Variants in RPS6KA2 observed in about 807,000 individuals in gnomAD.
RPS6KA2 encodes ribosomal protein S6 kinase alpha-2.
A neutral mutation model predicts 91.8 loss-of-function variants in RPS6KA2; 42 were observed. The observed-to-expected ratio is 0.46, with a 90% CI of 0.36 to 0.59. RPS6KA2 has a LOEUF of 0.59. Among genes scored for constraint, RPS6KA2 ranks in the 20% least tolerant of loss-of-function variants. The pLI is 0.00. For missense variants in RPS6KA2, 798 were observed against 978.5 expected (o/e 0.82, Z 2.46); for synonymous variants, 414 against 393.6 (o/e 1.05, Z -0.61).
intron 2 of RPS6KA2, among the ~76,000 whole-genome samples, chr6:166,793,872 TA>T (rs1311394504): frequency 6.6e-6 from 1 of 151,618 alleles, no homozygotes; most frequent in East Asian, 1.9e-4. Context: ...ATTAAAGACT[TA>T]AATGCTACAC....
chr6:166,715,282 T>C (rs1409583045), intron 2 of RPS6KA2, among the ~76,000 whole-genome samples: 1 of 152,178 alleles, frequency 6.6e-6, no homozygotes, highest in East Asian at 1.9e-4. Flanking sequence ...ATGGGAGGCA[T>C]GGACGGTAGC....
intron 2 of RPS6KA2, among the ~76,000 whole-genome samples, chr6:166,680,958 C>T (rs1788785841): frequency 6.6e-6 from 1 of 152,206 alleles, no homozygotes; most frequent in Non-Finnish European, 1.5e-5. Context: ...CTGGAAAGGC[C>T]TGTGAGGGAC....
chr6:166,695,750 C>CAGGAGCACTGGATTCTCAT (rs1562387952), intron 2 of RPS6KA2, among the ~76,000 whole-genome samples: 1 of 130,622 alleles, frequency 7.7e-6, no homozygotes, highest in Non-Finnish European at 1.7e-5. Flanking sequence ...TGGATTCTCA[C>CAGGAGCACTGGATTCTCAT]AGGAGCACTG....
At chr6:166,638,565 C>T (rs774495419) in intron 2 of RPS6KA2, among the ~76,000 whole-genome samples, 7 of 152,286 alleles carry the variant, frequency 4.6e-5, no homozygotes, top group African/African-American at 9.6e-5. Flanking sequence ...AAAACGACCG[C>T]GGTAAGCAGG....
intron 16 of RPS6KA2, among the ~76,000 whole-genome samples, chr6:166,428,439 C>A (rs1249775987): frequency 1.5e-4 from 21 of 138,826 alleles, no homozygotes; most frequent in Non-Finnish European, 2.5e-4. Context: ...GCAACAAAAG[C>A]CAAAATTGAC....
intron 1 of RPS6KA2, among the ~76,000 whole-genome samples, chr6:166,550,774 GGTCA>G (rs1373884803): frequency 6.6e-6 from 1 of 151,940 alleles, no homozygotes. Context: ...AGGCCAAGGC[GGTCA>G]GATCACAAGG....
At chr6:166,722,563 G>A (rs1241694725) in intron 2 of RPS6KA2, among the ~76,000 whole-genome samples, 1 of 152,208 alleles carries the variant, frequency 6.6e-6, no homozygotes, top group Non-Finnish European at 1.5e-5. Context: ...TGGCTGCAAT[G>A]GGAGTGGAAT....
At chr6:166,530,108 G>C (rs147140843) in intron 3 of RPS6KA2, among the ~76,000 whole-genome samples, 82 of 152,312 alleles carry the variant, frequency 5.4e-4, no homozygotes, top group African/African-American at 1.8e-3. Context: ...TGAAGGCAGA[G>C]AATGATATAT....
intron 2 of RPS6KA2, among the ~76,000 whole-genome samples, chr6:166,654,317 A>G (rs890340159): frequency 1.8e-4 from 27 of 152,204 alleles, no homozygotes; most frequent in African/African-American, 6.0e-4. Flanking sequence ...CATGCTTCAC[A>G]TCTAGTAATG....
intron 10 of RPS6KA2, among the ~76,000 whole-genome samples, chr6:166,480,502 TATATATATATATA>T (rs1292893419): frequency 7.4e-6 from 1 of 135,338 alleles, no homozygotes; most frequent in Non-Finnish European, 1.6e-5. Flanking sequence ...TATATATATA[TATATATATATATA>T]ATATATTTTT....
intron 2 of RPS6KA2, among the ~76,000 whole-genome samples, chr6:166,537,227 AAC>A (rs1348671342): frequency 6.6e-6 from 1 of 152,288 alleles, no homozygotes. Flanking sequence ...ATGCATGGGC[AAC>A]ACCCTTGAAA....
At chr6:166,845,986 G>C (rs1780596169) in intron 2 of RPS6KA2, among the ~76,000 whole-genome samples, 1 of 151,898 alleles carries the variant, frequency 6.6e-6, no homozygotes, top group African/African-American at 2.4e-5. Flanking sequence ...GAAAAAAAGA[G>C]AAAATCCAAA....
At chr6:166,719,435 G>A (rs563014339) in intron 2 of RPS6KA2, among the ~76,000 whole-genome samples, 1 of 152,280 alleles carries the variant, frequency 6.6e-6, no homozygotes, top group East Asian at 1.9e-4. Flanking sequence ...TGTATGCAAG[G>A]TTTGATATCA....
chr6:166,617,692 C>T (rs1357795657), intron 1 of RPS6KA2, among the ~76,000 whole-genome samples: 1 of 152,212 alleles, frequency 6.6e-6, no homozygotes, highest in Non-Finnish European at 1.5e-5. Flanking sequence ...ATAGTCAGTC[C>T]ATGGCTAATT....
At chr6:166,479,182 C>T (rs893156027) in intron 10 of RPS6KA2, among the ~76,000 whole-genome samples, 10 of 152,238 alleles carry the variant, frequency 6.6e-5, no homozygotes, top group Non-Finnish European at 1.0e-4. Context: ...TGCAGCTGGC[C>T]TTGCTGTTTG....
chr6:166,797,797 A>G (rs1779262901), intron 2 of RPS6KA2, among the ~76,000 whole-genome samples: 2 of 152,276 alleles, frequency 1.3e-5, no homozygotes, highest in Middle Eastern at 3.4e-3. Flanking sequence ...GAAAAAATAT[A>G]TCAATGTGGA....
rs532080540 is a variant in RPS6KA2 at position 166,624,927 on chromosome 6, T to G, written c.99+1994A>C. 1.8e-3 allele frequency among the ~76,000 whole-genome samples: 270 copies of G among 152,102 alleles called. 3 individuals carry two copies. The highest frequency in any genetic ancestry group is 1.6e-3 in the Non-Finnish European group (108 of 67,974). Reference sequence around the variant, plus strand: ...CGGCTCACTGCAACCTCTGACTCCCTGGTTCAAGCGATTCTCCTGCCTCAG... The same window carrying G: ...CGGCTCACTGCAACCTCTGACTCCCGGGTTCAAGCGATTCTCCTGCCTCAG... On this transcript the variant is annotated intron_variant, in intron 1 of 20. Transcript: ENST00000265678.
chr6:166,839,719 C>T (rs1049411661), intron 2 of RPS6KA2, among the ~76,000 whole-genome samples: 2 of 45,722 alleles, frequency 4.4e-5, no homozygotes, highest in East Asian at 6.6e-4. Flanking sequence ...AGAGGAGAGG[C>T]GGCACTGGAG....
At chr6:166,526,608 C>G (rs748033991) in intron 3 of RPS6KA2, among the ~76,000 whole-genome samples, 15 of 152,142 alleles carry the variant, frequency 9.9e-5, no homozygotes, top group Non-Finnish European at 1.5e-4. Flanking sequence ...CCTCTGCCCC[C>G]TAAAGTGCTG....
Sources: gnomAD v4.1 joint callset for allele counts (sites outside exome capture counted in the v4.1 genomes callset) on GRCh38, gnomAD v4.1.1 for gene constraint, MANE v1.5 for transcripts, NCBI Gene and HGNC (gene_info 2026-07-23, HGNC 2026-07-21) for gene names.